The following ERBB4 variants were observed in gnomAD, a reference collection of about 807,000 sequenced individuals.
ERBB4 encodes the protein erb-b2 receptor tyrosine kinase 4, also known as receptor tyrosine-protein kinase erbB-4.
ERBB4 carries 42 observed loss-of-function variants against 158.0 expected under a neutral mutation model. The ratio of observed to expected loss-of-function variants is 0.27; its 90% CI spans 0.21 to 0.34. The LOEUF (loss-of-function observed/expected upper bound fraction) is 0.34. Among genes scored for constraint, ERBB4 ranks in the 10% least tolerant of loss-of-function variants. The pLI is 1.00. For synonymous variants in ERBB4, 583 were observed against 558.7 expected, an observed-to-expected ratio of 1.04 and a Z score of -0.61; for missense variants, 1,333 against 1,624.1, an observed-to-expected ratio of 0.82 and a Z score of 3.08.
In ERBB4 at chr2:211,375,924, A is replaced by G. The variant is rs1344514559; in HGVS notation, c.*7691T>C. 1 of 232,754 alleles carries G rather than the reference A, an allele frequency of 4.3e-6. No individual in the cohort carries two copies. Among genetic ancestry groups the G allele is most frequent in the Non-Finnish European group, 8.5e-6 (1 of 117,576 alleles). The allele number at this position is 232,754 out of a possible 1,614,324, so 14.4% of individuals were successfully genotyped here. On this transcript the variant is annotated 3_prime_UTR_variant, in exon 28 of 28. Transcript: ENST00000342788. The stretch of plus-strand genomic sequence containing the variant: ...AGCCAAAAGAGGATCCTTGAGAACT[A>G]ACGGAAAAGCCTAATTACATAAATG...
At chr2:212,377,044 TA>T (rs1314284419) in intron 1 of ERBB4, among the ~76,000 whole-genome samples, 2 of 151,842 alleles carry the variant, frequency 1.3e-5, no homozygotes, top group East Asian at 1.9e-4. Flanking sequence ...CTCCCCTGCT[TA>T]ACTTATTGTA....
chr2:211,869,774 TG>T (rs1479115967), intron 3 of ERBB4, among the ~76,000 whole-genome samples: 6 of 152,072 alleles, frequency 3.9e-5, no homozygotes, highest in Non-Finnish European at 2.9e-5. Context: ...TCTAATAGAG[TG>T]GTATATATAC....
chr2:211,754,189 T>C (rs1056930544), intron 4 of ERBB4, among the ~76,000 whole-genome samples: 27 of 152,030 alleles, frequency 1.8e-4, no homozygotes, highest in Non-Finnish European at 1.5e-5. Flanking sequence ...GAAAAAGAGA[T>C]CTTATGTGTC....
intron 4 of ERBB4, among the ~76,000 whole-genome samples, chr2:211,776,267 G>T (rs1575131335): frequency 6.6e-6 from 1 of 152,248 alleles, no homozygotes; most frequent in African/African-American, 2.4e-5. Flanking sequence ...CATTCTTTAT[G>T]CCGAGTTCTA....
intron 23 of ERBB4, among the ~76,000 whole-genome samples, chr2:211,423,850 C>T (rs553084063): frequency 1.3e-5 from 2 of 151,948 alleles, no homozygotes; most frequent in East Asian, 3.9e-4. Flanking sequence ...AATGTTATTA[C>T]TAACATTCAT....
chr2:211,585,314 T>C (rs1047154093), intron 19 of ERBB4, among the ~76,000 whole-genome samples: 3 of 137,406 alleles, frequency 2.2e-5, no homozygotes, highest in Non-Finnish European at 3.0e-5. Flanking sequence ...ATTGTGCCAC[T>C]GCACTCCAGC....
At position 211,426,517 on chromosome 2, in the gene ERBB4, CTATT is replaced by C. The variant is rs987882283; in HGVS notation, c.2719+1887_2719+1890del. Reference sequence around the variant, plus strand: ...TGTTTCAAAACAGAGTACTACCTATCTATTTATTTATTTTTGCTGAACAGTTCCT... The same window carrying C: ...TGTTTCAAAACAGAGTACTACCTATCTATTTATTTTTGCTGAACAGTTCCT... On this transcript the variant is annotated intron_variant, in intron 22 of 27. Coordinates refer to ENST00000342788, the MANE Select transcript of ERBB4 (RefSeq NM_005235.3). 2.2e-4 allele frequency among the ~76,000 whole-genome samples: 34 copies of C among 152,192 alleles called. 1 individual carries two copies. Among genetic ancestry groups the C allele is most frequent in the Non-Finnish European group, 4.7e-4 (32 of 67,988 alleles).
intron 23 of ERBB4, among the ~76,000 whole-genome samples, chr2:211,422,560 T>G (rs748210257): frequency 2.0e-4 from 31 of 151,748 alleles, no homozygotes; most frequent in Non-Finnish European, 2.7e-4. Context: ...TAGCTTATCT[T>G]AGTACTAGCT....
At chr2:211,913,605 A>AT (rs1157249382) in intron 3 of ERBB4, among the ~76,000 whole-genome samples, 60 of 130,904 alleles carry the variant, frequency 4.6e-4, no homozygotes, top group South Asian at 3.9e-3. Context: ...TATTTCAAAA[A>AT]AATATATATA....
chr2:212,183,919 G>C (rs1317046311), intron 1 of ERBB4, among the ~76,000 whole-genome samples: 1 of 151,814 alleles, frequency 6.6e-6, no homozygotes, highest in Admixed American at 6.6e-5. Context: ...TTTTCATTTT[G>C]AATTTGTGAT....
chr2:211,502,661 G>A (rs1389449072), intron 20 of ERBB4, among the ~76,000 whole-genome samples: 1 of 152,048 alleles, frequency 6.6e-6, no homozygotes, highest in Non-Finnish European at 1.5e-5. Context: ...ACCATAATTA[G>A]ATTCATGAAA....
intron 1 of ERBB4, among the ~76,000 whole-genome samples, chr2:212,162,895 T>A (rs142040433): frequency 0.012 from 1,831 of 152,086 alleles, 11 homozygotes; most frequent in Non-Finnish European, 0.019. Flanking sequence ...TAAACAATTT[T>A]ATAGTAACAG....
chr2:211,856,436 AG>A (rs2077864358), intron 3 of ERBB4, among the ~76,000 whole-genome samples: 1 of 151,078 alleles, frequency 6.6e-6, no homozygotes, highest in African/African-American at 2.4e-5. Flanking sequence ...CCCAGGCTGG[AG>A]TGCAGTGGCA....
At chr2:212,422,307 C>G (rs937904810) in intron 1 of ERBB4, among the ~76,000 whole-genome samples, 1 of 152,058 alleles carries the variant, frequency 6.6e-6, no homozygotes, top group Non-Finnish European at 1.5e-5. Flanking sequence ...TAGCTCGAGA[C>G]CAGTCTGGCC....
intron 1 of ERBB4, among the ~76,000 whole-genome samples, chr2:212,153,871 G>T (rs894567317): frequency 6.6e-6 from 1 of 152,014 alleles, no homozygotes; most frequent in African/African-American, 2.4e-5. Flanking sequence ...TAAAAATGCT[G>T]TTCTATCCCA....
chr2:212,167,244 A>G (rs2081374184), intron 1 of ERBB4, among the ~76,000 whole-genome samples: 1 of 152,194 alleles, frequency 6.6e-6, no homozygotes, highest in African/African-American at 2.4e-5. Context: ...ACAAATTTAC[A>G]AGAAAAAAAC....
intron 1 of ERBB4, among the ~76,000 whole-genome samples, chr2:212,397,349 T>C (rs532195666): frequency 6.6e-6 from 1 of 152,136 alleles, no homozygotes; most frequent in South Asian, 2.1e-4. Flanking sequence ...GGCACGCTCC[T>C]GCAGTCCCAG....
At chr2:211,672,968 T>C (rs111859622) in intron 14 of ERBB4, among the ~76,000 whole-genome samples, 196 bp downstream of exon 14, 1 of 152,224 alleles carries the variant, frequency 6.6e-6, no homozygotes, top group South Asian at 2.1e-4. Context: ...ATCTGGAGAA[T>C]AAATATGTAT....
At chr2:212,491,592 A>C (rs1690281647) in intron 1 of ERBB4, among the ~76,000 whole-genome samples, 1 of 151,584 alleles carries the variant, frequency 6.6e-6, no homozygotes, top group South Asian at 2.1e-4. Flanking sequence ...GGAACATTTA[A>C]ATTTCTCTAC....
Sources: gnomAD v4.1 joint callset for allele counts (sites outside exome capture counted in the v4.1 genomes callset) on GRCh38, gnomAD v4.1.1 for gene constraint, MANE v1.5 for transcripts, NCBI Gene and HGNC (gene_info 2026-07-23, HGNC 2026-07-21) for gene names.